The following PLXNA4 variants were observed in gnomAD, a reference collection of about 807,000 sequenced individuals.
The protein encoded by PLXNA4 is plexin A4.
A neutral mutation model predicts 191.8 loss-of-function variants in PLXNA4; 44 were observed. The ratio of observed to expected loss-of-function variants is 0.23; its 90% CI spans 0.18 to 0.29. The LOEUF (loss-of-function observed/expected upper bound fraction) is 0.29. PLXNA4 is among the 10% of genes least tolerant of loss of function. The pLI, the probability that PLXNA4 is intolerant of heterozygous loss-of-function variation, is 1.00. For missense variants in PLXNA4, 1,800 were observed against 2,488.8 expected (o/e 0.72, Z 5.89); for synonymous variants, 1,082 against 1,009.5 (o/e 1.07, Z -1.36).
intron 2 of PLXNA4, among the ~76,000 whole-genome samples, chr7:132,630,077 C>T (rs964352044): frequency 2.6e-5 from 4 of 152,150 alleles, no homozygotes; most frequent in Admixed American, 6.5e-5. Flanking sequence ...GTCTCAATCT[C>T]CTGACCTTGT....
At chr7:132,244,897 C>T (rs1275727478) in intron 4 of PLXNA4, among the ~76,000 whole-genome samples, 1 of 152,204 alleles carries the variant, frequency 6.6e-6, no homozygotes, top group East Asian at 1.9e-4. Context: ...AGTTACTATC[C>T]ACACCTTGCT....
chr7:132,237,868 C>T (rs746557168), intron 5 of PLXNA4, among the ~76,000 whole-genome samples: 15 of 152,260 alleles, frequency 9.9e-5, no homozygotes, highest in Middle Eastern at 3.4e-3. Flanking sequence ...AATCGGTACC[C>T]GTGGACACGT....
At chr7:132,155,631 G>T (rs561257985) in intron 25 of PLXNA4, among the ~76,000 whole-genome samples, 1 of 152,134 alleles carries the variant, frequency 6.6e-6, no homozygotes, top group Non-Finnish European at 1.5e-5. Context: ...GTGTAGCAGG[G>T]GGAGTGCTAC....
intron 1 of PLXNA4, among the ~76,000 whole-genome samples, chr7:132,529,981 G>A (rs1446158246): frequency 1.3e-5 from 2 of 152,164 alleles, no homozygotes; most frequent in South Asian, 4.1e-4. Context: ...GTGCAGATGA[G>A]GAAGCAGTCC....
At chr7:132,583,120 T>C (rs1585385635) in intron 2 of PLXNA4, among the ~76,000 whole-genome samples, 2 of 152,264 alleles carry the variant, frequency 1.3e-5, no homozygotes, top group Admixed American at 1.3e-4. Context: ...TCAGAGACAT[T>C]CAAGAGAGAG....
At chr7:132,252,164 G>A (rs1267231161) in intron 4 of PLXNA4, among the ~76,000 whole-genome samples, 2 of 152,058 alleles carry the variant, frequency 1.3e-5, no homozygotes, top group Admixed American at 1.3e-4. Context: ...AAGACAAAGA[G>A]GGCCCTCTGG....
intron 5 of PLXNA4, among the ~76,000 whole-genome samples, chr7:132,236,141 T>C (rs1378619421): frequency 1.3e-5 from 2 of 152,206 alleles, no homozygotes; most frequent in Non-Finnish European, 2.9e-5. Context: ...TTCTTAAGCA[T>C]GTTTTGTGCA....
chr7:132,164,305 C>T lies in PLXNA4; in HGVS notation c.4354-17G>A, dbSNP rs553703373. The T allele has an allele frequency of 2.4e-5, 38 of 1,612,888 alleles. No individual in the cohort carries two copies. The highest frequency in any genetic ancestry group is 1.8e-4 in the South Asian group (16 of 91,038). On this transcript the variant is annotated splice_polypyrimidine_tract_variant and intron_variant, in intron 23 of 31. Transcript: ENST00000321063. The stretch of plus-strand genomic sequence containing the variant: ...AGCACACTCCTGGAGGTGAGAAGAA[C>T]GTCATTAGGAGGAGCTCTTGGAACA...
At chr7:132,577,572 G>T (rs1306149958), upstream of PLXNA4, among the ~76,000 whole-genome samples, 6 of 152,184 alleles carry the variant, frequency 3.9e-5, no homozygotes, top group East Asian at 1.9e-4. Context: ...ACCCGCCGCC[G>T]CCCGGCTTGC....
intron 26 of PLXNA4, among the ~76,000 whole-genome samples, 157 bp downstream of exon 26, chr7:132,148,386 T>C (rs1795497260): frequency 6.6e-6 from 1 of 152,142 alleles, no homozygotes; most frequent in African/African-American, 2.4e-5. Context: ...GGTTTCCTGG[T>C]TTCTTGGCTG....
intron 3 of PLXNA4, among the ~76,000 whole-genome samples, chr7:132,402,821 T>A (rs1794050648): frequency 6.6e-6 from 1 of 152,242 alleles, no homozygotes. Context: ...GAACGCCACC[T>A]CCAGCATGGA....
At chr7:132,184,121 C>T (rs777893216) in intron 16 of PLXNA4, among the ~76,000 whole-genome samples, 17 of 152,296 alleles carry the variant, frequency 1.1e-4, no homozygotes, top group Non-Finnish European at 2.2e-4. Context: ...TGCCTCAGCC[C>T]GGGGAGACCA....
rs906732588 is a variant in PLXNA4, at chr7:132,124,910, C to T, written c.*5569G>A. The T allele has an allele frequency of 3.9e-5, 6 of 152,188 alleles. No homozygotes were observed. The highest frequency in any genetic ancestry group is 1.4e-4 in the African/African-American group (6 of 41,444). 9.4% of individuals were successfully genotyped at this position (152,188 alleles called of 1,614,324 possible). A position where few individuals can be genotyped will look rare whatever the true frequency, so the allele number is the denominator to read the frequency against. Reference sequence around the variant, plus strand: ...TTGCTTTCTGGTAGGCACCAGTCTACTCAAGGAATTTAATCGGGATCCTAA... The same window carrying T: ...TTGCTTTCTGGTAGGCACCAGTCTATTCAAGGAATTTAATCGGGATCCTAA... On this transcript the variant is annotated 3_prime_UTR_variant, in exon 32 of 32. Transcript: ENST00000321063.
At position 132,504,712 on chromosome 7, in the gene PLXNA4, T is replaced by G. The variant is rs143889083; in HGVS notation, c.1188+2794A>C. Among the ~76,000 whole-genome samples, 656 of 152,358 alleles carry G rather than the reference T, an allele frequency of 4.3e-3. 2 individuals carry two copies. The highest frequency in any genetic ancestry group is 0.037 in the Middle Eastern group (11 of 294). ...GAAACACCACAGGACAGAGGTCATC[T>G]GGGACTGAGTTCTCAATTCACAGGG... is the stretch of plus-strand genomic sequence containing the variant. On this transcript the variant is annotated intron_variant, in intron 2 of 31. Transcript: ENST00000321063.
At chr7:132,562,633 TC>T (rs1801266821) in intron 1 of PLXNA4, among the ~76,000 whole-genome samples, 1 of 115,252 alleles carries the variant, frequency 8.7e-6, no homozygotes, top group Non-Finnish European at 1.8e-5. Flanking sequence ...CTCCTCCTTC[TC>T]CTCCTCTTTC....
intron 4 of PLXNA4, among the ~76,000 whole-genome samples, chr7:132,265,706 T>C (rs1364509): frequency 0.64 from 97,302 of 152,054 alleles, 33,369 homozygotes; most frequent in African/African-American, 0.89. Context: ...CACATGTGAA[T>C]CTGGGTAGTC....
At chr7:132,312,734 C>T (rs1269771013) in intron 3 of PLXNA4, among the ~76,000 whole-genome samples, 1 of 152,158 alleles carries the variant, frequency 6.6e-6, no homozygotes, top group Non-Finnish European at 1.5e-5. Flanking sequence ...TTTCTCTAAC[C>T]CCTGGTTTCC....
chr7:132,444,055 C>T (rs1462360038), intron 3 of PLXNA4, among the ~76,000 whole-genome samples: 1 of 152,244 alleles, frequency 6.6e-6, no homozygotes, highest in Non-Finnish European at 1.5e-5. Context: ...GATTGAAAAC[C>T]TGCAGACCAA....
upstream of PLXNA4, among the ~76,000 whole-genome samples, chr7:132,579,041 C>T (rs1198622136): frequency 6.6e-6 from 1 of 152,174 alleles, no homozygotes; most frequent in African/African-American, 2.4e-5. Flanking sequence ...AGCACAAGGC[C>T]AGCCGGGCAC....
Sources: allele counts gnomAD v4.1 joint callset (sites outside exome capture counted in the v4.1 genomes callset), GRCh38; gene constraint gnomAD v4.1.1; transcripts MANE v1.5; gene names NCBI Gene and HGNC (gene_info 2026-07-23, HGNC 2026-07-21).